The following ANKRD12 variants were observed in gnomAD, a reference collection of about 807,000 sequenced individuals.
The protein encoded by ANKRD12 is ankyrin repeat domain 12, also known as ankyrin repeat domain-containing protein 12.
In ANKRD12, 85 loss-of-function variants were observed where a neutral mutation model predicts 183.4. The observed-to-expected ratio is 0.46, with a 90% CI of 0.39 to 0.56. ANKRD12 has a LOEUF of 0.56. Among genes scored for constraint, ANKRD12 ranks in the 20% least tolerant of loss-of-function variants. The probability of loss-of-function intolerance (pLI) is 0.00; values close to 1 mark genes in which losing one functional copy is unlikely to be tolerated. For synonymous variants in ANKRD12, 914 were observed against 800.2 expected, an observed-to-expected ratio of 1.14 and a Z score of -2.40; for missense variants, 2,405 against 2,357.1, an observed-to-expected ratio of 1.02 and a Z score of -0.42.
At chr18:9,228,056 T>C (rs2036826802) in intron 8 of ANKRD12, among the ~76,000 whole-genome samples, 1 of 152,106 alleles carries the variant, frequency 6.6e-6, no homozygotes, top group Non-Finnish European at 1.5e-5. Context: ...ACATGCTGTC[T>C]TTGTCTTTCT....
chr18:9,177,469 T>C (rs529009002), intron 1 of ANKRD12, among the ~76,000 whole-genome samples: 1 of 152,280 alleles, frequency 6.6e-6, no homozygotes, highest in East Asian at 1.9e-4. Context: ...TTTGTACATA[T>C]TTAGGGGATA....
chr18:9,169,898 G>A (rs2032511056), intron 1 of ANKRD12, among the ~76,000 whole-genome samples: 1 of 152,094 alleles, frequency 6.6e-6, no homozygotes, highest in African/African-American at 2.4e-5. Flanking sequence ...GCTCTTTTAG[G>A]GCAGGCCTGG....
rs577078791 is a variant in ANKRD12, at chr18:9,211,938, C to A, written c.652+154C>A. 9.9e-5 allele frequency among the ~76,000 whole-genome samples: 15 copies of A among 152,126 alleles called. No homozygotes were observed. The South Asian group carries it at 3.1e-3, about 32-fold the overall frequency. Reference sequence around the variant, plus strand: ...AAACTTTTGGAGTTCGTACATAAAACCCCTGATTTCTACTACAATTCCATG... The same window carrying A: ...AAACTTTTGGAGTTCGTACATAAAAACCCTGATTTCTACTACAATTCCATG... On this transcript the variant is annotated intron_variant, in intron 6 of 12. Coordinates refer to ENST00000262126, the MANE Select transcript of ANKRD12 (RefSeq NM_015208.5).
chr18:9,268,470 C>T (rs1418692856), intron 10 of ANKRD12, among the ~76,000 whole-genome samples: 33 of 152,260 alleles, frequency 2.2e-4, no homozygotes, highest in African/African-American at 3.6e-4. Flanking sequence ...GTTCAGCATA[C>T]GCAAATCAAT....
chr18:9,153,266 G>A (rs2078742138), intron 1 of ANKRD12, among the ~76,000 whole-genome samples: 1 of 152,238 alleles, frequency 6.6e-6, no homozygotes, highest in Non-Finnish European at 1.5e-5. Context: ...TGATAGCTTA[G>A]TATCACCAAT....
intron 7 of ANKRD12, among the ~76,000 whole-genome samples, chr18:9,218,754 C>G (rs972751229): frequency 6.6e-6 from 1 of 151,744 alleles, no homozygotes; most frequent in African/African-American, 2.4e-5. Context: ...ACTGCAGCCT[C>G]AACCTCGTGG....
At chr18:9,166,782 A>G (rs539577457) in intron 1 of ANKRD12, among the ~76,000 whole-genome samples, 15 of 152,176 alleles carry the variant, frequency 9.9e-5, no homozygotes, top group South Asian at 8.3e-4. Context: ...TTAGTCATGA[A>G]GTCCTTGCCC....
At chr18:9,263,995 T>G (rs1418519909) in intron 10 of ANKRD12, 107 bp downstream of exon 10, 3 of 1,020,728 alleles carry the variant, frequency 2.9e-6, no homozygotes, top group Non-Finnish European at 3.9e-6. Context: ...TTTAGAACCA[T>G]TTTGAGAAGT....
chr18:9,282,636 A>G lies in ANKRD12; in HGVS notation c.*1510A>G, dbSNP rs2040142667. The stretch of plus-strand genomic sequence containing the variant: ...TAAAATTTGCAAAACTTTCCACAGT[A>G]CTTTCTTGAATTATAATACTGAATG... On this transcript the variant is annotated 3_prime_UTR_variant, in exon 13 of 13. Coordinates refer to ENST00000262126, the MANE Select transcript of ANKRD12 (RefSeq NM_015208.5). 6.6e-6 allele frequency: 1 copy of G among 152,620 alleles called. No homozygotes were observed. The highest frequency in any genetic ancestry group is 6.5e-5 in the Admixed American group (1 of 15,280). The allele number at this position is 152,620 out of a possible 1,614,324, so 9.5% of individuals were successfully genotyped here.
At chr18:9,239,525 A>G (rs769361036) in intron 8 of ANKRD12, 30 of 1,287,606 alleles carry the variant, frequency 2.3e-5, no homozygotes, top group Non-Finnish European at 2.7e-5. Context: ...TGCTTGGTCA[A>G]AGTCCCTCAA....
At chr18:9,268,299 G>A (rs1369272534) in intron 10 of ANKRD12, among the ~76,000 whole-genome samples, 1 of 152,072 alleles carries the variant, frequency 6.6e-6, no homozygotes, top group Non-Finnish European at 1.5e-5. Context: ...ACCAAAGCCT[G>A]GCAGAGACAC....
At chr18:9,167,374 G>C (rs1032931209) in intron 1 of ANKRD12, among the ~76,000 whole-genome samples, 2 of 152,130 alleles carry the variant, frequency 1.3e-5, no homozygotes, top group African/African-American at 4.8e-5. Flanking sequence ...CCATTTGTTT[G>C]TATCCTCTTT....
At chr18:9,212,095 C>G (rs920624119) in intron 6 of ANKRD12, among the ~76,000 whole-genome samples, 12 of 152,030 alleles carry the variant, frequency 7.9e-5, no homozygotes, top group African/African-American at 2.7e-4. Flanking sequence ...GTAGTTGATT[C>G]ATTCATAAGT....
At chr18:9,201,870 C>G (rs1261149149) in intron 3 of ANKRD12, among the ~76,000 whole-genome samples, 1 of 151,430 alleles carries the variant, frequency 6.6e-6, no homozygotes, top group Non-Finnish European at 1.5e-5. Context: ...CTCTTTCACC[C>G]AGGCTGGAGT....
chr18:9,250,111 GCTGTTCTGAGTCCATTGGT>G (rs1243163943), intron 8 of ANKRD12: 4 of 152,158 alleles, frequency 2.6e-5, no homozygotes, highest in Non-Finnish European at 5.9e-5. Flanking sequence ...AGTGGTAGTG[GCTGTTCTGAGTCCATTGGT>G]CTTTACAACT....
At chr18:9,266,713 A>G (rs1031232812) in intron 10 of ANKRD12, among the ~76,000 whole-genome samples, 46 of 152,250 alleles carry the variant, frequency 3.0e-4, no homozygotes, top group South Asian at 8.3e-4. Flanking sequence ...ATCAACTAAC[A>G]AGCAAAATAA....
At chr18:9,280,890 CA>C in intron 12 of ANKRD12, 50 bp from the exon 13 acceptor site, 1 of 1,562,934 alleles carries the variant, frequency 6.4e-7, no homozygotes, top group Non-Finnish European at 8.7e-7. Context: ...AATTTTTAAA[CA>C]AAGCAAAGTT....
chr18:9,282,858 A>G lies in ANKRD12; in HGVS notation c.*1732A>G, dbSNP rs941008495. On this transcript the variant is annotated 3_prime_UTR_variant, in exon 13 of 13. Coordinates refer to ENST00000262126, the MANE Select transcript of ANKRD12 (RefSeq NM_015208.5). ...GCATGCGCAATAAAGCAGCACATGT[A>G]AAAAAAAAATACACAGTGCAAGGAC... is the stretch of plus-strand genomic sequence containing the variant. The G allele has an allele frequency of 5.1e-5, 4 of 78,772 alleles. No homozygotes were observed. Among genetic ancestry groups the G allele is most frequent in the African/African-American group, 1.3e-4 (4 of 31,518 alleles). The allele number at this position is 78,772 out of a possible 1,614,324, so 4.9% of individuals were successfully genotyped here.
chr18:9,149,772 A>ATTTT (rs560344137), intron 1 of ANKRD12, among the ~76,000 whole-genome samples: 4 of 12,988 alleles, frequency 3.1e-4, no homozygotes, highest in African/African-American at 7.7e-4. Flanking sequence ...ATTTGTAATG[A>ATTTT]TTTATTTATT....
Sources: gnomAD v4.1 joint callset for allele counts (sites outside exome capture counted in the v4.1 genomes callset) on GRCh38, gnomAD v4.1.1 for gene constraint, MANE v1.5 for transcripts, NCBI Gene and HGNC (gene_info 2026-07-23, HGNC 2026-07-21) for gene names.